SGCZ: variants seen among roughly 807,000 people sequenced by gnomAD.
The protein encoded by SGCZ is zeta-sarcoglycan.
Under a neutral mutation model 41.3 loss-of-function variants are expected in SGCZ, and 40 were observed. The observed-to-expected ratio is 0.97, with a 90% CI of 0.75 to 1.26. SGCZ has a LOEUF of 1.26. Among genes scored for constraint, SGCZ ranks in the 50% most tolerant of loss-of-function variants. SGCZ has a pLI of 0.00. For synonymous variants in SGCZ, 206 were observed against 137.5 expected, an observed-to-expected ratio of 1.50 and a Z score of -3.49; for missense variants, 552 against 369.8, an observed-to-expected ratio of 1.49 and a Z score of -4.04.
At chr8:14,619,678 A>C (rs1440750976) in intron 1 of SGCZ, among the ~76,000 whole-genome samples, 1 of 152,132 alleles carries the variant, frequency 6.6e-6, no homozygotes, top group Non-Finnish European at 1.5e-5. Flanking sequence ...TCATGAGTGA[A>C]CTCCCATTCA....
intron 4 of SGCZ, among the ~76,000 whole-genome samples, chr8:14,194,812 A>G (rs892001014): frequency 1.3e-5 from 2 of 151,918 alleles, no homozygotes; most frequent in African/African-American, 2.4e-5. Context: ...AATAGTGCCT[A>G]CTAGATTTGA....
intron 1 of SGCZ, among the ~76,000 whole-genome samples, chr8:14,984,790 T>C (rs919431696): frequency 3.9e-5 from 6 of 152,120 alleles, no homozygotes; most frequent in African/African-American, 1.4e-4. Flanking sequence ...TTTGGCAGGG[T>C]ATATTTATAT....
At chr8:14,981,657 C>G (rs941010034) in intron 1 of SGCZ, among the ~76,000 whole-genome samples, 4 of 152,154 alleles carry the variant, frequency 2.6e-5, no homozygotes, top group Non-Finnish European at 4.4e-5. Flanking sequence ...ATGGTGTCAA[C>G]TCACCACAGC....
intron 1 of SGCZ, among the ~76,000 whole-genome samples, chr8:14,829,955 G>C (rs1385648585): frequency 6.6e-6 from 1 of 152,092 alleles, no homozygotes; most frequent in Non-Finnish European, 1.5e-5. Context: ...GGGACTACAG[G>C]CGACTGCACC....
intron 2 of SGCZ, among the ~76,000 whole-genome samples, chr8:14,476,905 A>G (rs1801378054): frequency 6.6e-6 from 1 of 152,200 alleles, no homozygotes; most frequent in African/African-American, 2.4e-5. Flanking sequence ...TGTACTCTAA[A>G]CCAAACTATT....
intron 1 of SGCZ, among the ~76,000 whole-genome samples, chr8:14,597,327 T>C (rs907825572): frequency 6.6e-6 from 1 of 152,164 alleles, no homozygotes; most frequent in African/African-American, 2.4e-5. Flanking sequence ...ACTTTTAAGT[T>C]AGAATGGGAG....
chr8:14,746,929 A>G (rs1242821333), intron 1 of SGCZ, among the ~76,000 whole-genome samples: 1 of 152,194 alleles, frequency 6.6e-6, no homozygotes, highest in East Asian at 1.9e-4. Flanking sequence ...ATTTATGGAA[A>G]TTTACATGGA....
chr8:14,822,616 G>A (rs76726911), intron 1 of SGCZ, among the ~76,000 whole-genome samples: 4,427 of 152,058 alleles, frequency 0.029, 185 homozygotes, highest in African/African-American at 0.093. Flanking sequence ...GCATGGTGGT[G>A]GTATAAAAAC....
intron 2 of SGCZ, among the ~76,000 whole-genome samples, chr8:14,352,598 G>A (rs2117107993): frequency 6.6e-6 from 1 of 152,236 alleles, no homozygotes. Context: ...ACCAGGAAGA[G>A]AAGTAGACCT....
chr8:14,857,236 C>G (rs1270826031), intron 1 of SGCZ, among the ~76,000 whole-genome samples: 1 of 152,180 alleles, frequency 6.6e-6, no homozygotes, highest in African/African-American at 2.4e-5. Context: ...CCAGCGGAAG[C>G]TGGCATCATG....
intron 1 of SGCZ, among the ~76,000 whole-genome samples, chr8:14,945,538 G>T (rs953549116): frequency 6.6e-6 from 1 of 151,996 alleles, no homozygotes; most frequent in African/African-American, 2.4e-5. Context: ...CTTAATTTTA[G>T]GTGTCAGTTT....
intron 1 of SGCZ, among the ~76,000 whole-genome samples, chr8:14,889,451 G>A (rs1804930779): frequency 6.6e-6 from 1 of 152,134 alleles, no homozygotes; most frequent in Non-Finnish European, 1.5e-5. Context: ...TGCAATTCAT[G>A]TTATATTAAT....
intron 4 of SGCZ, among the ~76,000 whole-genome samples, chr8:14,165,948 C>A (rs888244413): frequency 6.6e-6 from 1 of 152,062 alleles, no homozygotes; most frequent in Non-Finnish European, 1.5e-5. Flanking sequence ...CAATAGGCTG[C>A]AAAAACTTAC....
At chr8:14,485,657 G>A (rs1342778614) in intron 2 of SGCZ, among the ~76,000 whole-genome samples, 3 of 152,082 alleles carry the variant, frequency 2.0e-5, no homozygotes, top group African/African-American at 7.2e-5. Context: ...TGAGGACAGG[G>A]CAAGAAGGGT....
intron 2 of SGCZ, among the ~76,000 whole-genome samples, chr8:14,372,338 A>C (rs1242439938): frequency 6.6e-6 from 1 of 152,218 alleles, no homozygotes; most frequent in Non-Finnish European, 1.5e-5. Context: ...AAGAAACATC[A>C]GAAAAATAAT....
At chr8:14,837,566 A>C (rs911785820) in intron 1 of SGCZ, among the ~76,000 whole-genome samples, 30 of 152,308 alleles carry the variant, frequency 2.0e-4, no homozygotes, top group African/African-American at 7.0e-4. Flanking sequence ...AAAACTGGTA[A>C]GTGACATTGC....
chr8:15,003,928 A>G (rs1802512262), intron 1 of SGCZ, among the ~76,000 whole-genome samples: 1 of 152,196 alleles, frequency 6.6e-6, no homozygotes, highest in African/African-American at 2.4e-5. Flanking sequence ...TATGAAATAC[A>G]TCTCATGCTC....
chr8:14,109,018 A>T (rs1802293817), intron 5 of SGCZ, among the ~76,000 whole-genome samples: 2 of 152,138 alleles, frequency 1.3e-5, no homozygotes. Context: ...TTGGTTTTTT[A>T]AAGACAAACC....
At chr8:14,644,951 T>TA (rs112347316) in intron 1 of SGCZ, among the ~76,000 whole-genome samples, 58,303 of 149,358 alleles carry the variant, frequency 0.39, 11,696 homozygotes, top group East Asian at 0.66. Context: ...GTTGCATAAA[T>TA]AAAAAAAAAA....
Sources: gnomAD v4.1 joint callset for allele counts (sites outside exome capture counted in the v4.1 genomes callset) on GRCh38, gnomAD v4.1.1 for gene constraint, MANE v1.5 for transcripts, NCBI Gene and HGNC (gene_info 2026-07-23, HGNC 2026-07-21) for gene names.